The following PCNX2 variants were observed in gnomAD, a reference collection of about 807,000 sequenced individuals.
PCNX2 encodes the protein pecanex-like protein 2.
Under a neutral mutation model 223.8 loss-of-function variants are expected in PCNX2, and 168 were observed. That is an observed-to-expected ratio of 0.75 (90% CI 0.66 to 0.85). The LOEUF (loss-of-function observed/expected upper bound fraction) is 0.85. Ranked by LOEUF, PCNX2 falls within the 40% of genes least tolerant of loss-of-function variation. The pLI is 0.00. For missense variants in PCNX2, 2,507 were observed against 2,675.5 expected (o/e 0.94, Z 1.39); for synonymous variants, 1,006 against 1,052.6 (o/e 0.96, Z 0.86).
chr1:233,166,531 A>C (rs894806870), intron 17 of PCNX2, among the ~76,000 whole-genome samples: 3 of 152,148 alleles, frequency 2.0e-5, no homozygotes, highest in African/African-American at 7.2e-5. Flanking sequence ...TAAACAAACA[A>C]CACCCTCCTA....
At chr1:233,228,050 A>T (rs1484068181) in intron 9 of PCNX2, among the ~76,000 whole-genome samples, 1 of 152,204 alleles carries the variant, frequency 6.6e-6, no homozygotes, top group Non-Finnish European at 1.5e-5. Context: ...GGAGCCTGGA[A>T]CAAGGTTGGG....
At chr1:233,078,377 A>T (rs1673196818) in intron 23 of PCNX2, among the ~76,000 whole-genome samples, 1 of 152,268 alleles carries the variant, frequency 6.6e-6, no homozygotes, top group African/African-American at 2.4e-5. Flanking sequence ...CTCCTGCATC[A>T]TATTTATTTG....
At chr1:233,095,596 C>T in intron 22 of PCNX2, 159 bp downstream of exon 22, 4 of 654,168 alleles carry the variant, frequency 6.1e-6, no homozygotes, top group Non-Finnish European at 1.1e-5. Context: ...TCTTTTAAGG[C>T]TAAGTGGCCT....
intron 15 of PCNX2, among the ~76,000 whole-genome samples, chr1:233,183,606 T>C (rs1387377761): frequency 6.6e-6 from 1 of 152,240 alleles, no homozygotes; most frequent in Non-Finnish European, 1.5e-5. Context: ...AAAGTTATTC[T>C]GAAACTTGAG....
intron 26 of PCNX2, among the ~76,000 whole-genome samples, chr1:233,017,928 T>C (rs886610553): frequency 8.5e-5 from 13 of 152,320 alleles, no homozygotes; most frequent in South Asian, 6.2e-4. Flanking sequence ...CTAGGCTAGG[T>C]TGATTCAGCT....
At position 232,991,056 on chromosome 1, in the gene PCNX2, A is replaced by G. The variant is rs140563357; in HGVS notation, c.5792-4516T>C. 1.3e-5 allele frequency among the ~76,000 whole-genome samples: 2 copies of G among 152,172 alleles called. No individual in the cohort carries two copies. The highest frequency in any genetic ancestry group is 3.9e-4 in the East Asian group (2 of 5,186). On this transcript the variant is annotated intron_variant, in intron 32 of 33. Transcript: ENST00000258229. The surrounding 1 kb of genome is among the most constrained non-coding windows in gnomAD (Gnocchi z 4.3). ...CACCTGAGCGTCCACCGTGGGCTGC[A>G]CTGTCCTAGGTGCCGGGCAGTGAGC...
intron 22 of PCNX2, among the ~76,000 whole-genome samples, chr1:233,091,612 A>G (rs1414213130): frequency 2.6e-5 from 4 of 152,018 alleles, no homozygotes; most frequent in Admixed American, 6.6e-5. Context: ...GCACACCTGC[A>G]GTCCCAGCCA....
rs180777667 is a variant in PCNX2, at chr1:233,018,681, G to A, written c.4606-1527C>T. On this transcript the variant is annotated intron_variant, in intron 26 of 33. Transcript: ENST00000258229. ...TGTGGAGTCCCTGCCAGCGTGCACC[G>A]CAGTTCCATTATAACAGAAAAATGC... The A allele has an allele frequency of 8.8e-4, 733 of 831,756 alleles. 1 individual carries two copies. In the African/African-American group the frequency reaches 0.012, roughly 14 times the overall value. The allele number at this position is 831,756 out of a possible 1,614,324, so 51.5% of individuals were successfully genotyped here.
intron 32 of PCNX2, among the ~76,000 whole-genome samples, chr1:232,987,748 G>A (rs551484324): frequency 7.6e-4 from 115 of 152,314 alleles, no homozygotes; most frequent in African/African-American, 2.6e-3. Flanking sequence ...GGATTCCAGG[G>A]TTCCTTCCAG....
intron 15 of PCNX2, among the ~76,000 whole-genome samples, chr1:233,183,269 A>C (rs1232686261): frequency 1.3e-5 from 2 of 152,150 alleles, no homozygotes; most frequent in African/African-American, 4.8e-5. Flanking sequence ...CCTCTCACTG[A>C]GTCCCACCAT....
At chr1:233,230,406 T>C (rs1657994457) in intron 9 of PCNX2, among the ~76,000 whole-genome samples, 1 of 151,898 alleles carries the variant, frequency 6.6e-6, no homozygotes, top group African/African-American at 2.4e-5. Flanking sequence ...ATCTAAATAA[T>C]GAAAAAAAAT....
At chr1:233,080,889 T>G (rs1673328635) in intron 23 of PCNX2, among the ~76,000 whole-genome samples, 1 of 152,188 alleles carries the variant, frequency 6.6e-6, no homozygotes, top group South Asian at 2.1e-4. Context: ...CAACTCTGAG[T>G]TCTGCCTGGG....
chr1:233,263,468 T>G (rs925056775), intron 1 of PCNX2, among the ~76,000 whole-genome samples: 1 of 150,832 alleles, frequency 6.6e-6, no homozygotes, highest in Non-Finnish European at 1.5e-5. Flanking sequence ...TTTTTTTTTT[T>G]TTTTTGAGAC....
rs565881033 is a variant in PCNX2 at position 233,129,153 on chromosome 1, C to T, written c.3837+5860G>A. ...GGCGTGGGCGGGAACCTGGGCTGTG[C>T]GTGGCGCTTGTGGGCCAGCTAGAGT... On this transcript the variant is annotated intron_variant, in intron 21 of 33. Transcript: ENST00000258229. 4.2e-3 allele frequency among the ~76,000 whole-genome samples: 636 copies of T among 152,354 alleles called. 1 individual carries two copies. The highest frequency in any genetic ancestry group is 6.2e-3 in the Non-Finnish European group (424 of 68,028).
At chr1:233,032,971 T>C (rs1232425728) in intron 25 of PCNX2, 13 of 984,614 alleles carry the variant, frequency 1.3e-5, no homozygotes, top group Non-Finnish European at 1.6e-5. Context: ...ATGCACTAAT[T>C]GCGTTGTCCA....
intron 28 of PCNX2, among the ~76,000 whole-genome samples, chr1:233,002,114 T>A (rs1027418112): frequency 3.9e-5 from 6 of 152,204 alleles, no homozygotes; most frequent in African/African-American, 1.2e-4. Flanking sequence ...TGCATTTCTA[T>A]GTATCATTCT....
chr1:233,138,495 G>A (rs1676932445), intron 20 of PCNX2, among the ~76,000 whole-genome samples: 1 of 152,154 alleles, frequency 6.6e-6, no homozygotes, highest in African/African-American at 2.4e-5. Flanking sequence ...TCGAGAAACT[G>A]AGGCTCTACC....
intron 25 of PCNX2, among the ~76,000 whole-genome samples, chr1:233,052,086 C>T (rs530086262): frequency 6.6e-6 from 1 of 152,230 alleles, no homozygotes; most frequent in African/African-American, 2.4e-5. Flanking sequence ...GTTCAATAAC[C>T]TTCTCCAAAC....
At chr1:233,092,296 T>C (rs1028755595) in intron 22 of PCNX2, among the ~76,000 whole-genome samples, 1 of 152,184 alleles carries the variant, frequency 6.6e-6, no homozygotes, top group South Asian at 2.1e-4. Flanking sequence ...TAATATGTGA[T>C]CATCTGGCTA....
Sources: allele counts gnomAD v4.1 joint callset (sites outside exome capture counted in the v4.1 genomes callset), GRCh38; gene constraint gnomAD v4.1.1; non-coding constraint Gnocchi (gnomAD v3.1); transcripts MANE v1.5; gene names NCBI Gene and HGNC (gene_info 2026-07-23, HGNC 2026-07-21).